Variants in SYT9 observed in about 807,000 individuals in gnomAD.
SYT9 encodes the protein synaptotagmin-9.
Under a neutral mutation model 48.4 loss-of-function variants are expected in SYT9, and 22 were observed. That is an observed-to-expected ratio of 0.45 (90% CI 0.32 to 0.65). The LOEUF (loss-of-function observed/expected upper bound fraction) is 0.65, where lower values mean the gene tolerates loss of function less well. Ranked by LOEUF, SYT9 falls within the 30% of genes least tolerant of loss-of-function variation. SYT9 has a pLI of 0.03. For synonymous variants in SYT9, 265 were observed against 245.0 expected, an observed-to-expected ratio of 1.08 and a Z score of -0.76; for missense variants, 577 against 622.0, an observed-to-expected ratio of 0.93 and a Z score of 0.77.
chr11:7,271,357 A>G (rs1052433353), intron 1 of SYT9, among the ~76,000 whole-genome samples: 1 of 152,018 alleles, frequency 6.6e-6, no homozygotes, highest in African/African-American at 2.4e-5. Flanking sequence ...GACTGTGTAC[A>G]ATGGATTGCT....
intron 1 of SYT9, among the ~76,000 whole-genome samples, chr11:7,291,146 C>T (rs1176656313): frequency 6.6e-6 from 1 of 152,192 alleles, no homozygotes; most frequent in Non-Finnish European, 1.5e-5. Flanking sequence ...TCTAGGGCCT[C>T]CTTTTGGTTG....
chr11:7,328,115 TTC>T (rs1849468054), intron 3 of SYT9, among the ~76,000 whole-genome samples: 2 of 151,510 alleles, frequency 1.3e-5, no homozygotes, highest in African/African-American at 4.8e-5. Flanking sequence ...AAAAAAATTT[TTC>T]TTTTAGTTTT....
At position 7,468,525 on chromosome 11, in the gene SYT9, C is replaced by G; in HGVS notation, c.*1725C>G. On this transcript the variant is annotated 3_prime_UTR_variant, in exon 7 of 7. Coordinates refer to ENST00000318881, the MANE Select transcript of SYT9 (RefSeq NM_175733.4). Reference sequence around the variant, plus strand: ...TCATCCCTCCTCATTCAGACATCCTCCACCATACCAGTGTTTAGAAGCAAA... The same window carrying G: ...TCATCCCTCCTCATTCAGACATCCTGCACCATACCAGTGTTTAGAAGCAAA... 2.6e-6 allele frequency: 1 copy of G among 391,386 alleles called. No homozygotes were observed. Among genetic ancestry groups the G allele is most frequent in the Non-Finnish European group, 4.5e-6 (1 of 221,806 alleles). 24.2% of individuals were successfully genotyped at this position (391,386 alleles called of 1,614,324 possible).
At chr11:7,395,301 T>C (rs1433092659) in intron 3 of SYT9, among the ~76,000 whole-genome samples, 2 of 152,192 alleles carry the variant, frequency 1.3e-5, no homozygotes, top group African/African-American at 4.8e-5. Context: ...TGTGTGCAGA[T>C]GAGAAGAATG....
At chr11:7,324,459 T>C (rs1849391908) in intron 3 of SYT9, among the ~76,000 whole-genome samples, 1 of 151,892 alleles carries the variant, frequency 6.6e-6, no homozygotes. Context: ...TTGATATTTT[T>C]AATAATTACT....
In SYT9 at chr11:7,353,515, T is replaced by C. The variant is rs566413193; in HGVS notation, c.1044+39574T>C. On this transcript the variant is annotated intron_variant, in intron 3 of 6. Transcript: ENST00000318881. Reference sequence around the variant, plus strand: ...TAAGTTCTACTGGTGCAGTACCACATTGACTTCTCTGCCATTCAGTGAGTG... The same window carrying C: ...TAAGTTCTACTGGTGCAGTACCACACTGACTTCTCTGCCATTCAGTGAGTG... Among the ~76,000 whole-genome samples, 4 of 152,308 alleles carry C rather than the reference T, an allele frequency of 2.6e-5. No homozygotes were observed. In the South Asian group the frequency reaches 6.2e-4, roughly 24 times the overall value.
chr11:7,259,203 T>A (rs1036110477), intron 1 of SYT9, among the ~76,000 whole-genome samples: 1 of 152,178 alleles, frequency 6.6e-6, no homozygotes, highest in African/African-American at 2.4e-5. Context: ...ACCTGGTATA[T>A]GCTCATAGTA....
At chr11:7,369,495 T>G (rs1265967397) in intron 3 of SYT9, among the ~76,000 whole-genome samples, 1 of 152,164 alleles carries the variant, frequency 6.6e-6, no homozygotes, top group African/African-American at 2.4e-5. Context: ...ATATTCCATT[T>G]GTCAGTTTTG....
chr11:7,417,898 C>T lies in SYT9; in HGVS notation c.1166-59C>T, dbSNP rs183572699. ...TCCATGAAAACTCACAGTGATATAA[C>T]TGCCCACCTAAATCTATACGTATCC... On this transcript the variant is annotated intron_variant, in intron 4 of 6. Transcript: ENST00000318881. 539 of 1,554,952 alleles carry T rather than the reference C, an allele frequency of 3.5e-4. 3 individuals are homozygous for T. In the East Asian group the frequency reaches 7.5e-3, roughly 22 times the overall value.
chr11:7,464,029 G>T (rs904969687), intron 6 of SYT9, among the ~76,000 whole-genome samples: 2 of 152,218 alleles, frequency 1.3e-5, no homozygotes, highest in African/African-American at 4.8e-5. Context: ...CTTTAGACAG[G>T]CCATAAGAAA....
At chr11:7,390,450 G>C (rs1334495069) in intron 3 of SYT9, among the ~76,000 whole-genome samples, 1 of 152,178 alleles carries the variant, frequency 6.6e-6, no homozygotes, top group Non-Finnish European at 1.5e-5. Context: ...TGGAAGGATA[G>C]ATGATGGTTT....
upstream of SYT9, among the ~76,000 whole-genome samples, chr11:7,247,243 C>T (rs970062927): frequency 1.6e-4 from 24 of 152,014 alleles, no homozygotes; most frequent in African/African-American, 4.4e-4. Flanking sequence ...TCTTTTATCT[C>T]CTGCCCCCTT....
At chr11:7,302,892 A>G in intron 1 of SYT9, 147 bp from the exon 2 acceptor site, 1 of 671,272 alleles carries the variant, frequency 1.5e-6, no homozygotes, top group Non-Finnish European at 2.6e-6. Context: ...TCCCAGAATT[A>G]AGTAACCCAG....
intron 3 of SYT9, among the ~76,000 whole-genome samples, chr11:7,356,398 A>G (rs1484247221): frequency 6.6e-6 from 1 of 152,204 alleles, no homozygotes; most frequent in East Asian, 1.9e-4. Flanking sequence ...AATTAACATC[A>G]AGGCTGTAGC....
intron 6 of SYT9, among the ~76,000 whole-genome samples, chr11:7,460,712 C>T (rs1447237613): frequency 2.6e-5 from 4 of 152,048 alleles, no homozygotes; most frequent in Admixed American, 2.6e-4. Context: ...TTATAATTTT[C>T]TAGTGTATCA....
intron 3 of SYT9, among the ~76,000 whole-genome samples, chr11:7,393,384 T>C (rs1846677118): frequency 6.6e-6 from 1 of 152,140 alleles, no homozygotes; most frequent in African/African-American, 2.4e-5. Flanking sequence ...TTAATAATTC[T>C]GCTTATATGG....
At chr11:7,275,934 T>A (rs1201503179) in intron 1 of SYT9, among the ~76,000 whole-genome samples, 1 of 152,208 alleles carries the variant, frequency 6.6e-6, no homozygotes, top group Non-Finnish European at 1.5e-5. Flanking sequence ...TGTGTCTGAA[T>A]CTATATAATA....
intron 3 of SYT9, among the ~76,000 whole-genome samples, chr11:7,391,755 A>AAAAAAAAAAAAAC (rs1424552011): frequency 2.0e-5 from 3 of 147,666 alleles, no homozygotes; most frequent in East Asian, 2.0e-4. Flanking sequence ...AAAAAAAAAA[A>AAAAAAAAAAAAAC]AAAAAAAAAA....
intron 3 of SYT9, among the ~76,000 whole-genome samples, chr11:7,398,565 A>G (rs1846807003): frequency 6.6e-6 from 1 of 151,780 alleles, no homozygotes; most frequent in Non-Finnish European, 1.5e-5. Context: ...ACCTGCCACC[A>G]CGCCCAGCTA....
Sources: gnomAD v4.1 joint callset for allele counts (sites outside exome capture counted in the v4.1 genomes callset) on GRCh38, gnomAD v4.1.1 for gene constraint, MANE v1.5 for transcripts, NCBI Gene and HGNC (gene_info 2026-07-23, HGNC 2026-07-21) for gene names.